NCAM1: variants seen among roughly 807,000 people sequenced by gnomAD.
NCAM1 encodes neural cell adhesion molecule 1.
Under a neutral mutation model 109.8 loss-of-function variants are expected in NCAM1, and 14 were observed. The observed-to-expected ratio is 0.13, with a 90% confidence interval of 0.08 to 0.20. NCAM1 has a LOEUF of 0.20. Among genes scored for constraint, NCAM1 ranks in the 10% least tolerant of loss-of-function variants. The pLI is 1.00. For synonymous variants in NCAM1, 418 were observed against 442.9 expected (o/e 0.94, Z 0.70); for missense variants, 774 against 1,109.9 (o/e 0.70, Z 4.30).
chr11:113,249,716 A>T (rs932962494), intron 15 of NCAM1, among the ~76,000 whole-genome samples: 47 of 152,156 alleles, frequency 3.1e-4, no homozygotes, highest in Admixed American at 1.3e-4. Context: ...TCTTTTTAGG[A>T]TGATGAAACA....
intron 1 of NCAM1, among the ~76,000 whole-genome samples, chr11:113,049,780 A>G (rs1263284852): frequency 6.6e-6 from 1 of 152,214 alleles, no homozygotes; most frequent in African/African-American, 2.4e-5. Context: ...CCTGAGCTAG[A>G]ACAGTTACAA....
intron 1 of NCAM1, among the ~76,000 whole-genome samples, chr11:113,126,529 C>T (rs1179851103): frequency 6.6e-6 from 1 of 152,180 alleles, no homozygotes. Context: ...TATCACCCTG[C>T]TCTTTTATTG....
chr11:113,182,837 G>T (rs1433584808), intron 1 of NCAM1, among the ~76,000 whole-genome samples: 1 of 152,200 alleles, frequency 6.6e-6, no homozygotes, highest in Admixed American at 6.5e-5. Flanking sequence ...GGCAGCCCTC[G>T]CTTTGCCCAG....
At chr11:113,183,251 A>G (rs2136613408) in intron 1 of NCAM1, among the ~76,000 whole-genome samples, 1 of 152,290 alleles carries the variant, frequency 6.6e-6, no homozygotes, top group African/African-American at 2.4e-5. Context: ...CTGGGGCACC[A>G]GTGCCACAGA....
At chr11:113,245,339 G>A (rs1437982077) in intron 14 of NCAM1, among the ~76,000 whole-genome samples, 3 of 152,188 alleles carry the variant, frequency 2.0e-5, no homozygotes, top group African/African-American at 7.2e-5. Flanking sequence ...CCATTCAGGA[G>A]GCTGAGGCAG....
intron 1 of NCAM1, among the ~76,000 whole-genome samples, chr11:113,055,977 TGATATATATATATATA>T (rs1953683790): frequency 2.0e-5 from 1 of 50,274 alleles, no homozygotes; most frequent in South Asian, 8.1e-4. Flanking sequence ...AAAGAAAATG[TGATATATATATATATA>T]TATATATATA....
intron 1 of NCAM1, among the ~76,000 whole-genome samples, chr11:113,179,476 A>T (rs1943265487): frequency 6.6e-6 from 1 of 152,220 alleles, no homozygotes; most frequent in Admixed American, 6.5e-5. Flanking sequence ...GCCTCAGCTC[A>T]CCCACTGTGC....
intron 1 of NCAM1, among the ~76,000 whole-genome samples, chr11:113,152,911 A>AAAG (rs1555102727): frequency 6.6e-5 from 10 of 152,100 alleles, no homozygotes; most frequent in Non-Finnish European, 1.5e-4. Context: ...CAGTGACATC[A>AAAG]TCCTCATCTT....
At chr11:113,014,152 A>T (rs1555074935) in intron 1 of NCAM1, among the ~76,000 whole-genome samples, 1 of 152,220 alleles carries the variant, frequency 6.6e-6, no homozygotes, top group African/African-American at 2.4e-5. Flanking sequence ...TGGGGAACAC[A>T]TTTAAAAGGC....
rs1348828351 is a variant in NCAM1, at chr11:113,207,310, C to T, written c.678C>T (p.Asn226=). The change falls in exon 6 of 20, where the codon AAC becomes AAT. Residue 226 remains asparagine (N), a synonymous_variant. Coordinates refer to ENST00000316851, the MANE Select transcript of NCAM1 (RefSeq NM_181351.5). ...ARQNIVNATA[N]LGQSVTLVCD... ...AGAATATTGTGAATGCCACCGCCAACCTCGGCCAGTCCGTCACCCTGGTGT... is the reference window on the plus strand; with the variant it reads ...AGAATATTGTGAATGCCACCGCCAATCTCGGCCAGTCCGTCACCCTGGTGT... 2 of 1,614,058 alleles carry T rather than the reference C, an allele frequency of 1.2e-6. No homozygotes were observed. Among genetic ancestry groups the T allele is most frequent in the Non-Finnish European group, 8.5e-7 (1 of 1,179,904 alleles).
chr11:113,217,500 C>T (rs957526010), intron 8 of NCAM1, among the ~76,000 whole-genome samples: 3 of 151,974 alleles, frequency 2.0e-5, no homozygotes, highest in African/African-American at 7.3e-5. Flanking sequence ...CACTAGTGCT[C>T]CCCTAAAATT....
At chr11:113,083,653 C>G (rs1938947356) in intron 1 of NCAM1, among the ~76,000 whole-genome samples, 1 of 152,140 alleles carries the variant, frequency 6.6e-6, no homozygotes, top group Non-Finnish European at 1.5e-5. Flanking sequence ...CTGTGTTTCT[C>G]AAAGTTACTG....
intron 1 of NCAM1, among the ~76,000 whole-genome samples, chr11:113,120,374 A>G (rs1940906087): frequency 6.6e-6 from 1 of 152,204 alleles, no homozygotes; most frequent in Non-Finnish European, 1.5e-5. Context: ...GCCATTTAAA[A>G]GTAACAACCA....
chr11:113,104,239 A>AGGGGGGGGGGGGGG (rs1940042875), intron 1 of NCAM1, among the ~76,000 whole-genome samples: 1 of 143,008 alleles, frequency 7.0e-6, no homozygotes, highest in African/African-American at 2.6e-5. Flanking sequence ...GTGGCGGTGC[A>AGGGGGGGGGGGGGG]GGGGAAGGGA....
At chr11:112,991,497 TG>T (rs1401717654) in intron 1 of NCAM1, among the ~76,000 whole-genome samples, 1 of 128,154 alleles carries the variant, frequency 7.8e-6, no homozygotes, top group Admixed American at 8.4e-5. Context: ...CTCTAGTGCA[TG>T]GCCTGAAAAG....
intron 1 of NCAM1, among the ~76,000 whole-genome samples, chr11:113,108,678 G>C (rs1015850137): frequency 2.0e-5 from 3 of 151,444 alleles, no homozygotes; most frequent in Admixed American, 6.6e-5. Context: ...TCTGAAATAA[G>C]TTTCTTCTTT....
At chr11:113,139,383 A>G (rs1197354309) in intron 1 of NCAM1, among the ~76,000 whole-genome samples, 4 of 152,086 alleles carry the variant, frequency 2.6e-5, no homozygotes, top group Non-Finnish European at 5.9e-5. Flanking sequence ...TTATTTGGGC[A>G]TTGATTTTCT....
intron 1 of NCAM1, among the ~76,000 whole-genome samples, chr11:113,091,330 A>G (rs549456938): frequency 6.6e-6 from 1 of 152,024 alleles, no homozygotes; most frequent in Non-Finnish European, 1.5e-5. Flanking sequence ...TCTGCCAGGG[A>G]TATCTTTGGC....
At chr11:112,979,508 C>T (rs1951094718) in intron 1 of NCAM1, among the ~76,000 whole-genome samples, 1 of 151,714 alleles carries the variant, frequency 6.6e-6, no homozygotes. Context: ...AAGGAAACAA[C>T]TATAGAAAAA....
Sources: allele counts gnomAD v4.1 joint callset (sites outside exome capture counted in the v4.1 genomes callset), GRCh38; gene constraint gnomAD v4.1.1; transcripts MANE v1.5; gene names NCBI Gene and HGNC (gene_info 2026-07-23, HGNC 2026-07-21).